Variants in PUDP observed in about 807,000 individuals in gnomAD.
PUDP encodes pseudouridine-5'-phosphatase.
PUDP carries 8 observed loss-of-function variants against 9.4 expected under a neutral mutation model. That is an observed-to-expected ratio of 0.85 (90% CI 0.50 to 1.53). The LOEUF (loss-of-function observed/expected upper bound fraction) is 1.53, where lower values mean the gene tolerates loss of function less well. Among genes scored for constraint, PUDP ranks in the 40% most tolerant of loss-of-function variants. The pLI, the probability that PUDP is intolerant of heterozygous loss-of-function variation, is 0.00. For synonymous variants in PUDP, 99 were observed against 80.7 expected (o/e 1.23, Z -1.22); for missense variants, 188 against 189.7 (o/e 0.99, Z 0.05).
intron 3 of PUDP, among the ~76,000 whole-genome samples, chrX:6,750,490 A>G (rs1925055604): frequency 9.0e-6 from 1 of 110,849 alleles, no homozygotes; most frequent in South Asian, 4.0e-4. Flanking sequence ...ACATAAACGC[A>G]CACTGCTTAA....
At chrX:7,075,563 C>T (rs1930870256) in intron 3 of PUDP, among the ~76,000 whole-genome samples, 1 of 111,774 alleles carries the variant, frequency 8.9e-6, no homozygotes, top group African/African-American at 3.2e-5. Flanking sequence ...CCCTCATCTC[C>T]AGGGAGGGCA....
At chrX:6,861,659 C>T (rs1045673784) in intron 3 of PUDP, among the ~76,000 whole-genome samples, 4 of 111,260 alleles carry the variant, frequency 3.6e-5, no homozygotes, top group Non-Finnish European at 7.5e-5. Context: ...GAGTCAACCC[C>T]GAGACAAGGA....
Position 7,065,673 on chromosome X carries a change from G to A in PUDP, c.510+11547C>T, listed in dbSNP as rs182947078. Among the ~76,000 whole-genome samples, 7 of 112,440 alleles carry A rather than the reference G, an allele frequency of 6.2e-5. No individual in the cohort carries two copies. The East Asian group carries it at 2.0e-3, about 31-fold the overall frequency. ...GCATTGTGGAGGCCAGATCGGGTGAGGAAGGTACAAGGAAGGTACAACATG... is the reference window on the plus strand; with the variant it reads ...GCATTGTGGAGGCCAGATCGGGTGAAGAAGGTACAAGGAAGGTACAACATG... On this transcript the variant is annotated intron_variant, in intron 3 of 3. Transcript: ENST00000381077.
At position 6,710,104 on chromosome X, in the gene PUDP, T is replaced by C. The variant is rs772692709; in HGVS notation, n.129-3638A>G. 1.3e-4 allele frequency among the ~76,000 whole-genome samples: 15 copies of C among 111,864 alleles called. No homozygotes were observed. In the South Asian group the frequency reaches 4.5e-3, roughly 34 times the overall value. On this transcript the variant is annotated intron_variant and non_coding_transcript_variant, in intron 1 of 2. Coordinates refer to the PUDP transcript ENST00000438499. ...TGCCACTGCACTCCAGCCTGGGCGA[T>C]AGAGCAAGAACCTGTCCAAAAACAA... is the stretch of plus-strand genomic sequence containing the variant.
intron 3 of PUDP, among the ~76,000 whole-genome samples, chrX:6,890,754 G>A (rs968396786): frequency 3.7e-5 from 4 of 108,617 alleles, no homozygotes; most frequent in African/African-American, 1.3e-4. Context: ...GCTGTTGGCT[G>A]TGGAGTCCAC....
chrX:6,795,523 G>A (rs1451391895), intron 3 of PUDP, among the ~76,000 whole-genome samples: 1 of 111,576 alleles, frequency 9.0e-6, no homozygotes, highest in Non-Finnish European at 1.9e-5. Context: ...TTGCATTACA[G>A]GAGATGAACC....
At chrX:6,804,985 G>A (rs942581559) in intron 3 of PUDP, among the ~76,000 whole-genome samples, 2 of 112,068 alleles carry the variant, frequency 1.8e-5, no homozygotes, top group Non-Finnish European at 3.8e-5. Context: ...TTCCAAGGAA[G>A]GCTGGGCACG....
intron 3 of PUDP, among the ~76,000 whole-genome samples, chrX:6,933,883 T>C (rs1353769400): frequency 9.1e-6 from 1 of 109,697 alleles, no homozygotes; most frequent in Non-Finnish European, 1.9e-5. Flanking sequence ...AGGGTATCAG[T>C]GATGGAAGAT....
intron 3 of PUDP, among the ~76,000 whole-genome samples, chrX:6,868,448 T>C (rs752089175): frequency 8.9e-6 from 1 of 112,182 alleles, no homozygotes; most frequent in South Asian, 3.7e-4. Context: ...ATGGTCAAAA[T>C]ATGAATGAGC....
At chrX:7,048,436 G>C (rs966616555), downstream of PUDP, among the ~76,000 whole-genome samples, 19 of 112,483 alleles carry the variant, frequency 1.7e-4, no homozygotes, top group African/African-American at 5.5e-4. Flanking sequence ...TCACTAAAAT[G>C]TATTGAAGCA....
chrX:6,917,948 C>G (rs1927960548), intron 3 of PUDP, among the ~76,000 whole-genome samples: 1 of 112,023 alleles, frequency 8.9e-6, no homozygotes, highest in Non-Finnish European at 1.9e-5. Context: ...AGAGTCCTTC[C>G]TCCTTTGAGC....
intron 1 of PUDP, among the ~76,000 whole-genome samples, chrX:7,116,362 G>T (rs1389760671): frequency 9.0e-6 from 1 of 111,674 alleles, no homozygotes; most frequent in Non-Finnish European, 1.9e-5. Context: ...TCATTGAGCT[G>T]GCCAAGGACC....
intron 3 of PUDP, among the ~76,000 whole-genome samples, chrX:7,070,379 G>A (rs1444768517): frequency 9.0e-6 from 1 of 111,164 alleles, no homozygotes; most frequent in African/African-American, 3.3e-5. Context: ...CCTTGAGGCT[G>A]GAGCAATGAG....
At chrX:6,727,192 C>G (rs1924749238) in intron 3 of PUDP, among the ~76,000 whole-genome samples, 1 of 110,477 alleles carries the variant, frequency 9.1e-6, no homozygotes, top group African/African-American at 3.3e-5. Flanking sequence ...GTGACTCCCT[C>G]TTAAAAATGT....
chrX:6,848,281 T>C lies in PUDP; in HGVS notation c.*247+128852A>G, dbSNP rs182956278. ...AAAGGGTGTGGATATAGGGTGGCCG[T>C]TCAACAGGGCAGTTTGTGCAATCAG... is the stretch of plus-strand genomic sequence containing the variant. On this transcript the variant is annotated intron_variant and NMD_transcript_variant, in intron 3 of 3. Coordinates refer to the PUDP transcript ENST00000655425. Among the ~76,000 whole-genome samples, 3 of 111,290 alleles carry C rather than the reference T, an allele frequency of 2.7e-5. No individual in the cohort carries two copies. The Admixed American group carries it at 2.9e-4, about 11-fold the overall frequency.
At position 6,857,780 on chromosome X, in the gene PUDP, C is replaced by T. The variant is rs1602647916; in HGVS notation, c.*247+119353G>A. Among the ~76,000 whole-genome samples, 4 of 111,571 alleles carry T rather than the reference C, an allele frequency of 3.6e-5. No individual in the cohort carries two copies. In the South Asian group the frequency reaches 1.5e-3, roughly 42 times the overall value. ...ATGAGATGTAAATATGTCTCTTGGT[C>T]TTCTATGCCCTCCTACAGAACCTTG... is the stretch of plus-strand genomic sequence containing the variant. On this transcript the variant is annotated intron_variant and NMD_transcript_variant, in intron 3 of 3. Coordinates refer to the PUDP transcript ENST00000655425.
Position 7,068,301 on chromosome X carries a change from C to T in PUDP, c.510+8919G>A, listed in dbSNP as rs762928930. Among the ~76,000 whole-genome samples, 9 of 112,308 alleles carry T rather than the reference C, an allele frequency of 8.0e-5. No individual in the cohort carries two copies. The East Asian group carries it at 1.7e-3, about 21-fold the overall frequency. ...CATCTTGCAATCTGATAAAATGGCA[C>T]GTACACGAAAGGTTCAATAAAAGCT... On this transcript the variant is annotated intron_variant, in intron 3 of 3. Transcript: ENST00000381077.
chrX:6,983,118 C>T (rs949868312), intron 1 of PUDP, among the ~76,000 whole-genome samples: 6 of 112,098 alleles, frequency 5.4e-5, no homozygotes, highest in South Asian at 3.8e-4. Context: ...TCGCCTTGCC[C>T]GCTGCCTAGA....
At chrX:7,026,000 G>A (rs1387517527) in intron 1 of PUDP, among the ~76,000 whole-genome samples, 1 of 112,617 alleles carries the variant, frequency 8.9e-6, no homozygotes, top group Admixed American at 9.4e-5. Flanking sequence ...AGAAATTTCT[G>A]CTGAAGCCCT....
Sources: allele counts gnomAD v4.1 joint callset (sites outside exome capture counted in the v4.1 genomes callset), GRCh38; gene constraint gnomAD v4.1.1; transcripts MANE v1.5; gene names NCBI Gene and HGNC (gene_info 2026-07-23, HGNC 2026-07-21).